SNX31: variants seen among roughly 807,000 people sequenced by gnomAD.
The protein encoded by SNX31 is sorting nexin-31.
Under a neutral mutation model 65.4 loss-of-function variants are expected in SNX31, and 58 were observed. The observed-to-expected ratio is 0.89, with a 90% CI of 0.72 to 1.10. The LOEUF is 1.10. Among genes scored for constraint, SNX31 ranks in the 50% least tolerant of loss-of-function variants. SNX31 has a pLI of 0.00. For missense variants in SNX31, 523 were observed against 529.7 expected (o/e 0.99, Z 0.12); for synonymous variants, 181 against 190.1 (o/e 0.95, Z 0.39).
intron 4 of SNX31, chr8:100,618,278 G>T (rs1397861572): frequency 2.0e-6 from 3 of 1,507,636 alleles, no homozygotes; most frequent in Non-Finnish European, 2.7e-6. Context: ...CTATATTGGA[G>T]AAAACAGCTT....
rs747069165 is a variant in SNX31 at position 100,604,827 on chromosome 8, G to A, written c.681+3667C>T. 2.0e-5 allele frequency among the ~76,000 whole-genome samples: 3 copies of A among 152,146 alleles called. No homozygotes were observed. Among genetic ancestry groups the A allele is most frequent in the Non-Finnish European group, 4.4e-5 (3 of 68,030 alleles). ...GCTGTGCCCCTTAATAGTTAATTAT[G>A]ATGGATCCATTATTTATCACAACTC... On this transcript the variant is annotated intron_variant, in intron 8 of 13. Coordinates refer to ENST00000311812, the MANE Select transcript of SNX31 (RefSeq NM_152628.4). The surrounding 1 kb of genome is among the most constrained non-coding windows in gnomAD (Gnocchi z 4.3).
chr8:100,631,284 CT>C (rs564227217), intron 3 of SNX31, among the ~76,000 whole-genome samples: 277 of 152,240 alleles, frequency 1.8e-3, no homozygotes, highest in African/African-American at 6.2e-3. Flanking sequence ...CCCATGAGAA[CT>C]GCAAACCCAC....
chr8:100,617,670 T>A lies in SNX31; in HGVS notation c.382A>T (p.Ser128Cys). 1 of 1,613,948 alleles carries A rather than the reference T, an allele frequency of 6.2e-7. No homozygotes were observed. The highest frequency in any genetic ancestry group is 8.5e-7 in the Non-Finnish European group (1 of 1,179,928). ...YLDIFLPNEQSIRIEIITSDT... is the reference protein window; with the variant it reads ...YLDIFLPNEQCIRIEIITSDT... ...GATGTTATAATTTCGATTCTAATAC[T>A]CTGTTCATTGGGCAGAAATATGTCC... The change falls in exon 5 of 14, where the codon AGT (serine) becomes TGT (cysteine). Residue 128 changes from serine to cysteine, a missense_variant. By Grantham distance (112) the Ser-to-Cys change is moderately radical. Transcript: ENST00000311812.
At chr8:100,647,483 G>C (rs1043294811) in intron 2 of SNX31, among the ~76,000 whole-genome samples, 2 of 152,106 alleles carry the variant, frequency 1.3e-5, no homozygotes, top group African/African-American at 4.8e-5. Context: ...CTGAAAATAA[G>C]CATTTTCCCA....
At chr8:100,595,928 A>C (rs1037156089) in intron 10 of SNX31, among the ~76,000 whole-genome samples, 5 of 152,168 alleles carry the variant, frequency 3.3e-5, no homozygotes, top group African/African-American at 7.2e-5. Context: ...GGCCTACAAA[A>C]GTAGGGGAGA....
intron 8 of SNX31, among the ~76,000 whole-genome samples, chr8:100,607,322 A>G (rs1248156226): frequency 1.3e-5 from 2 of 152,164 alleles, no homozygotes; most frequent in East Asian, 3.9e-4. Context: ...GAGTGTGAAC[A>G]CCTGGGGCAG....
chr8:100,607,908 C>T (rs757499735), intron 8 of SNX31, among the ~76,000 whole-genome samples: 5 of 152,246 alleles, frequency 3.3e-5, no homozygotes, highest in African/African-American at 7.2e-5. Flanking sequence ...CAGAGCCCAA[C>T]GCAACTGTGC....
chr8:100,662,661 C>A (rs978368361), intron 1 of SNX31, among the ~76,000 whole-genome samples: 1 of 152,186 alleles, frequency 6.6e-6, no homozygotes, highest in African/African-American at 2.4e-5. Context: ...CGCGCCACTG[C>A]ACTCCAGCCT....
At chr8:100,607,929 C>A (rs1052855896) in intron 8 of SNX31, among the ~76,000 whole-genome samples, 2 of 152,216 alleles carry the variant, frequency 1.3e-5, no homozygotes, top group African/African-American at 4.8e-5. Flanking sequence ...AGGCCACATG[C>A]CCACCCAGCT....
chr8:100,633,963 A>C (rs537964365), intron 3 of SNX31, among the ~76,000 whole-genome samples: 1 of 152,242 alleles, frequency 6.6e-6, no homozygotes, highest in Non-Finnish European at 1.5e-5. Flanking sequence ...ATCTATATAC[A>C]CGCAAATTGC....
chr8:100,634,858 C>A (rs1455510636), intron 3 of SNX31, among the ~76,000 whole-genome samples: 9 of 151,796 alleles, frequency 5.9e-5, no homozygotes, highest in Admixed American at 2.0e-4. Context: ...GAGTTTGAGA[C>A]CAGCCTGGGC....
intron 8 of SNX31, among the ~76,000 whole-genome samples, chr8:100,601,141 A>ATGTAC (rs1161651289): frequency 2.0e-4 from 31 of 152,232 alleles, no homozygotes; most frequent in African/African-American, 7.0e-4. Context: ...TGATAGTGGC[A>ATGTAC]AACACATGTA....
chr8:100,579,225 T>C (rs2130780044), intron 12 of SNX31, among the ~76,000 whole-genome samples: 1 of 152,268 alleles, frequency 6.6e-6, no homozygotes, highest in East Asian at 1.9e-4. Context: ...TCCTGCTCCC[T>C]ATGTCAAAGT....
intron 2 of SNX31, among the ~76,000 whole-genome samples, chr8:100,643,195 A>AAAAC (rs1819387751): frequency 7.9e-6 from 1 of 126,770 alleles, no homozygotes; most frequent in African/African-American, 3.1e-5. Flanking sequence ...TCCGTCTCAA[A>AAAAC]AAAACAAAAC....
At position 100,636,050 on chromosome 8, in the gene SNX31, G is replaced by T; in HGVS notation, c.142-39C>A. ...GAAACACAGTTAAGGCAGGTGAGCCGCCAGTTCAGGGTTGATGAGATTACT... is the reference window on the plus strand; with the variant it reads ...GAAACACAGTTAAGGCAGGTGAGCCTCCAGTTCAGGGTTGATGAGATTACT... On this transcript the variant is annotated intron_variant, in intron 2 of 13. Transcript: ENST00000311812. 2 of 1,480,792 alleles carry T rather than the reference G, an allele frequency of 1.4e-6. 1 individual carries two copies. Among genetic ancestry groups the T allele is most frequent in the Middle Eastern group, 3.5e-4 (2 of 5,742 alleles). The allele number at this position is 1,480,792 out of a possible 1,614,324, so 91.7% of individuals were successfully genotyped here.
chr8:100,581,370 A>C (rs1227066593), intron 12 of SNX31, among the ~76,000 whole-genome samples: 1 of 139,046 alleles, frequency 7.2e-6, no homozygotes, highest in East Asian at 2.0e-4. Flanking sequence ...TTAAGAACTT[A>C]ATATATTTTT....
chr8:100,600,403 T>G lies in SNX31; in HGVS notation c.720A>C (p.Thr240=). 1 of 1,613,892 alleles carries G rather than the reference T, an allele frequency of 6.2e-7. No individual in the cohort carries two copies. The highest frequency in any genetic ancestry group is 1.3e-5 in the African/African-American group (1 of 75,060). ...CTTCTAATTTCTGCCTCTGTGCCTG[T>G]GTGGGTTTGGCCCATCCTTTTTCAA... ...QDIEKGWAKP[T]QAQRQKLEAF... is the part of the protein sequence containing the mutation. Residue 240 remains threonine, a synonymous_variant, in exon 9 of 14, where the codon ACA becomes ACC. Transcript: ENST00000311812.
intron 1 of SNX31, among the ~76,000 whole-genome samples, chr8:100,659,236 C>T (rs996691569): frequency 1.3e-5 from 2 of 151,750 alleles, no homozygotes; most frequent in South Asian, 4.2e-4. Context: ...ATCCTAGCTA[C>T]TCGGGAGGCT....
chr8:100,595,123 C>T (rs1269385099), intron 10 of SNX31, among the ~76,000 whole-genome samples: 2 of 152,198 alleles, frequency 1.3e-5, no homozygotes, highest in East Asian at 3.9e-4. Context: ...AAACATTTAC[C>T]AAGATAGATC....
Sources: gnomAD v4.1 joint callset for allele counts (sites outside exome capture counted in the v4.1 genomes callset) on GRCh38, gnomAD v4.1.1 for gene constraint, Gnocchi (gnomAD v3.1) non-coding constraint, MANE v1.5 for transcripts, NCBI Gene and HGNC (gene_info 2026-07-23, HGNC 2026-07-21) for gene names.